MERTK: variants seen among roughly 807,000 people sequenced by gnomAD.
The protein encoded by MERTK is tyrosine-protein kinase Mer.
In MERTK, 69 loss-of-function variants were observed where a neutral mutation model predicts 99.3. That is an observed-to-expected ratio of 0.70 (90% CI 0.57 to 0.85). The LOEUF is 0.85. Among genes scored for constraint, MERTK ranks in the 40% least tolerant of loss-of-function variants. The probability of loss-of-function intolerance (pLI) is 0.00; values close to 1 mark genes in which losing one functional copy is unlikely to be tolerated. For missense variants in MERTK, 1,125 were observed against 1,249.4 expected (o/e 0.90, Z 1.50); for synonymous variants, 426 against 467.6 (o/e 0.91, Z 1.15).
intron 1 of MERTK, among the ~76,000 whole-genome samples, chr2:111,911,367 A>T (rs941821288): frequency 5.9e-5 from 9 of 151,806 alleles, no homozygotes; most frequent in Non-Finnish European, 1.3e-4. Flanking sequence ...TTATTTATCC[A>T]ATCTCCTCCT....
intron 1 of MERTK, among the ~76,000 whole-genome samples, chr2:111,911,689 C>CTTTT (rs34867670): frequency 8.7e-5 from 5 of 57,732 alleles, no homozygotes; most frequent in Admixed American, 2.4e-4. Flanking sequence ...AGCGCCCAGC[C>CTTTT]TTTTTTTTTT....
chr2:111,968,836 G>C lies in MERTK; in HGVS notation c.960+584G>C, dbSNP rs1299660567. On this transcript the variant is annotated intron_variant, in intron 6 of 18. Transcript: ENST00000295408. ...GAGCCACCACGCCCAGCCAAGACCAGGGAGAGTTCATTTTTAAGGTCCCGA... is the reference window on the plus strand; with the variant it reads ...GAGCCACCACGCCCAGCCAAGACCACGGAGAGTTCATTTTTAAGGTCCCGA... Among the ~76,000 whole-genome samples, 4 of 152,284 alleles carry C rather than the reference G, an allele frequency of 2.6e-5. 1 individual carries two copies. The highest frequency in any genetic ancestry group is 9.6e-5 in the African/African-American group (4 of 41,554).
chr2:111,954,883 ATT>A (rs958135092), intron 4 of MERTK, among the ~76,000 whole-genome samples: 3 of 152,220 alleles, frequency 2.0e-5, no homozygotes, highest in African/African-American at 7.2e-5. Context: ...GTTTTGTAAC[ATT>A]ATAAAAGAAC....
At chr2:111,977,165 T>C in intron 7 of MERTK, among the ~76,000 whole-genome samples, 1 of 152,220 alleles carries the variant, frequency 6.6e-6, no homozygotes, top group Non-Finnish European at 1.5e-5. Flanking sequence ...TCCTTCTTCC[T>C]GAAGAACTTT....
intron 2 of MERTK, among the ~76,000 whole-genome samples, chr2:111,931,841 G>C (rs967897629): frequency 6.6e-6 from 1 of 152,176 alleles, no homozygotes; most frequent in African/African-American, 2.4e-5. Flanking sequence ...CTGTGGGTGA[G>C]CTGCCTCATC....
rs1276242656 is a variant in MERTK, at chr2:111,975,292, A to G, written c.964A>G (p.Lys322Glu). Reference protein sequence around the residue: ...SPFRNCSIQVKEADPLSNGSV... With the variant: ...SPFRNCSIQVEEADPLSNGSV... ...CTCATGTTTACTCTTCGTTTAGGTC[A>G]AGGAAGCTGATCCGCTGAGTAATGG... Residue 322 changes from lysine to glutamate, a missense_variant, in exon 7 of 19, where the codon AAG becomes GAG. Physicochemically the swap from Lys to Glu is moderately conservative, Grantham distance 56. Coordinates refer to ENST00000295408, the MANE Select transcript of MERTK (RefSeq NM_006343.3). The G allele has an allele frequency of 2.5e-6, 4 of 1,614,218 alleles. No homozygotes were observed. Among genetic ancestry groups the G allele is most frequent in the South Asian group, 2.2e-5 (2 of 91,088 alleles).
chr2:111,994,305 C>G lies in MERTK; in HGVS notation c.1351C>G (p.Gln451Glu). 1 of 1,614,162 alleles carries G rather than the reference C, an allele frequency of 6.2e-7. No homozygotes were observed. The change falls in exon 9 of 19, where the codon CAA (glutamine) becomes GAA (glutamate). Residue 451 changes from glutamine to glutamate, a missense_variant. Coordinates refer to ENST00000295408, the MANE Select transcript of MERTK (RefSeq NM_006343.3). ...QNGSRARISV[Q>E]VHNATCTVRI... ...TGGCAGCCGAGCTCGGATCTCTGTT[C>G]AAGTCCACAATGCTACGTGCACAGT...
intron 10 of MERTK, among the ~76,000 whole-genome samples, chr2:111,998,179 C>T (rs1573630001): frequency 6.6e-6 from 1 of 152,318 alleles, no homozygotes; most frequent in East Asian, 1.9e-4. Flanking sequence ...TCATCCCAGT[C>T]TTAGGGGTCA....
At chr2:111,999,431 T>A (rs996799756) in intron 10 of MERTK, among the ~76,000 whole-genome samples, 2 of 152,138 alleles carry the variant, frequency 1.3e-5, no homozygotes, top group Non-Finnish European at 2.9e-5. Flanking sequence ...CCCGATTAGC[T>A]GGGACCACAG....
In MERTK at chr2:111,963,225, C is replaced by T. The variant is rs560091543; in HGVS notation, c.758-1966C>T. Among the ~76,000 whole-genome samples, 6 of 152,346 alleles carry T rather than the reference C, an allele frequency of 3.9e-5. No homozygotes were observed. In the South Asian group the frequency reaches 1.2e-3, roughly 32 times the overall value. On this transcript the variant is annotated intron_variant, in intron 4 of 18. Transcript: ENST00000295408. ...TGCTGCCGCATGTCCTACCTCCAGC[C>T]CTAAGGCGGTTTTCCCCTATCTCAG...
intron 8 of MERTK, among the ~76,000 whole-genome samples, chr2:111,990,952 T>C (rs1363871556): frequency 6.6e-6 from 1 of 152,214 alleles, no homozygotes; most frequent in East Asian, 1.9e-4. Context: ...GAGATGATTC[T>C]CTCATAAGTG....
intron 7 of MERTK, 50 bp from the exon 8 acceptor site, chr2:111,982,792 C>G: frequency 6.3e-7 from 1 of 1,599,766 alleles, no homozygotes; most frequent in South Asian, 1.1e-5. Flanking sequence ...GAGAATACAT[C>G]TGTGTGTGCT....
chr2:111,951,040 A>C (rs940595023), intron 4 of MERTK, among the ~76,000 whole-genome samples: 2 of 150,742 alleles, frequency 1.3e-5, no homozygotes, highest in African/African-American at 4.9e-5. Context: ...AAGGTATACA[A>C]TGTAATGTTT....
At chr2:111,997,517 C>CAA in intron 10 of MERTK, 41 bp downstream of exon 10, 1 of 1,603,682 alleles carries the variant, frequency 6.2e-7, no homozygotes, top group Non-Finnish European at 8.5e-7. Flanking sequence ...CTGGTATTGA[C>CAA]AAGGTTGTTA....
At chr2:111,993,758 GA>G (rs959969877) in intron 8 of MERTK, among the ~76,000 whole-genome samples, 72 of 148,320 alleles carry the variant, frequency 4.9e-4, no homozygotes, top group East Asian at 4.7e-3. Flanking sequence ...CACACTGAAA[GA>G]AAAAAAAAAG....
chr2:112,022,372 C>G lies in MERTK; in HGVS notation c.2464C>G (p.Pro822Ala). 1.2e-6 allele frequency: 2 copies of G among 1,614,206 alleles called. No homozygotes were observed. The highest frequency in any genetic ancestry group is 2.2e-5 in the South Asian group (2 of 91,084). The part of the protein sequence containing the change: ...YLLHGHRLKQ[P>A]EDCLDELYEI... ...TCTCCATGGCCACAGGTTGAAGCAG[C>G]CCGAAGACTGCCTGGATGAACTGTG... Residue 822 changes from proline (P) to alanine (A), a missense_variant, in exon 18 of 19, where the codon CCC becomes GCC. Transcript: ENST00000295408.
chr2:111,985,258 C>A lies in MERTK; in HGVS notation c.1296+2265C>A, dbSNP rs751055987. 2.0e-5 allele frequency among the ~76,000 whole-genome samples: 3 copies of A among 152,098 alleles called. 1 individual carries two copies. The South Asian group carries it at 6.2e-4, about 32-fold the overall frequency. On this transcript the variant is annotated intron_variant, in intron 8 of 18. Transcript: ENST00000295408. ...CCACTGCTATGATGTGAACCCTGGA[C>A]CCAATACAGCAGCAGGAAAGGCAGC...
chr2:111,899,755 A>G (rs58672478), intron 1 of MERTK, among the ~76,000 whole-genome samples: 1 of 151,974 alleles, frequency 6.6e-6, no homozygotes. Flanking sequence ...TGACCTCGTG[A>G]TCTGCTCTCC....
intron 2 of MERTK, among the ~76,000 whole-genome samples, chr2:111,930,856 C>T (rs980349786): frequency 6.6e-6 from 1 of 152,154 alleles, no homozygotes; most frequent in African/African-American, 2.4e-5. Context: ...TTCCTCTTAG[C>T]CAGGAGGTGT....
Sources: allele counts gnomAD v4.1 joint callset (sites outside exome capture counted in the v4.1 genomes callset), GRCh38; gene constraint gnomAD v4.1.1; transcripts MANE v1.5; gene names NCBI Gene and HGNC (gene_info 2026-07-23, HGNC 2026-07-21).